The following MAP2 variants were observed in gnomAD, a reference collection of about 807,000 sequenced individuals.
MAP2 encodes microtubule associated protein 2.
In MAP2, 14 loss-of-function variants were observed where a neutral mutation model predicts 137.6. The observed-to-expected ratio is 0.10, with a 90% CI of 0.07 to 0.16. The LOEUF is 0.16. MAP2 is among the 10% of genes least tolerant of loss of function. MAP2 has a pLI of 1.00. For missense variants in MAP2, 2,088 were observed against 2,191.5 expected (o/e 0.95, Z 0.94); for synonymous variants, 786 against 782.3 (o/e 1.00, Z -0.08).
chr2:209,653,106 TC>T, intron 4 of MAP2, 35 bp from the exon 5 acceptor site: 2 of 1,482,070 alleles, frequency 1.3e-6, no homozygotes, highest in Non-Finnish European at 9.0e-7. Context: ...TCAGAAGATT[TC>T]CCCAAAGTAA....
chr2:209,446,822 G>A (rs1699178848), intron 1 of MAP2, among the ~76,000 whole-genome samples: 1 of 142,124 alleles, frequency 7.0e-6, no homozygotes. Flanking sequence ...TGTTTAAATA[G>A]AGTACCTTTG....
chr2:209,518,478 G>A (rs1276530028), intron 2 of MAP2, among the ~76,000 whole-genome samples: 3 of 152,072 alleles, frequency 2.0e-5, no homozygotes, highest in African/African-American at 4.8e-5. Context: ...GGAAACCAAA[G>A]CACGCATAAG....
At chr2:209,688,772 C>G (rs574706936) in intron 7 of MAP2, among the ~76,000 whole-genome samples, 7 of 152,024 alleles carry the variant, frequency 4.6e-5, no homozygotes, top group Non-Finnish European at 8.8e-5. Flanking sequence ...TTTGCTTAGG[C>G]GAAGAGTTTA....
intron 3 of MAP2, among the ~76,000 whole-genome samples, chr2:209,594,586 G>T (rs890936734): frequency 6.6e-6 from 1 of 152,036 alleles, no homozygotes; most frequent in African/African-American, 2.4e-5. Flanking sequence ...TTCTCCTAGG[G>T]TTACACTGTA....
At chr2:209,591,719 A>G (rs1188068126) in intron 3 of MAP2, among the ~76,000 whole-genome samples, 1 of 152,150 alleles carries the variant, frequency 6.6e-6, no homozygotes, top group East Asian at 1.9e-4. Context: ...AGTTCTTCTG[A>G]TTACCATTTT....
intron 10 of MAP2, 43 bp from the exon 11 acceptor site, chr2:209,700,234 T>C: frequency 6.4e-7 from 1 of 1,559,378 alleles, no homozygotes; most frequent in South Asian, 1.1e-5. Context: ...TTATGACTTT[T>C]TAGCAACTAA....
intron 2 of MAP2, chr2:209,579,736 G>GCA (rs2075974057): frequency 6.6e-6 from 1 of 152,112 alleles, no homozygotes; most frequent in Admixed American, 6.5e-5. Flanking sequence ...GACTTGAGTG[G>GCA]TATTGCTGCA....
intron 5 of MAP2, among the ~76,000 whole-genome samples, chr2:209,654,584 T>C (rs1313932831): frequency 2.6e-5 from 4 of 152,194 alleles, no homozygotes; most frequent in African/African-American, 9.6e-5. Flanking sequence ...AGTGGTGGTA[T>C]CAATATGGAT....
At chr2:209,515,107 C>G (rs1437074897) in intron 2 of MAP2, among the ~76,000 whole-genome samples, 3 of 152,128 alleles carry the variant, frequency 2.0e-5, no homozygotes, top group Non-Finnish European at 4.4e-5. Flanking sequence ...TTACGGTTAT[C>G]AACTTTGTGT....
At chr2:209,496,881 A>G (rs1290099818) in intron 1 of MAP2, among the ~76,000 whole-genome samples, 2 of 152,060 alleles carry the variant, frequency 1.3e-5, no homozygotes, top group East Asian at 1.9e-4. Context: ...CTGTAACCTC[A>G]TATGCCTCTG....
At chr2:209,432,203 T>G (rs535334449) in intron 1 of MAP2, among the ~76,000 whole-genome samples, 6 of 152,300 alleles carry the variant, frequency 3.9e-5, no homozygotes, top group Admixed American at 1.3e-4. Context: ...TCTCCCAGAT[T>G]TAACATTTTT....
chr2:209,487,585 A>G (rs960379353), intron 1 of MAP2, among the ~76,000 whole-genome samples: 1 of 152,212 alleles, frequency 6.6e-6, no homozygotes, highest in African/African-American at 2.4e-5. Flanking sequence ...AAGATGTTCC[A>G]TGAAAGATTT....
chr2:209,699,137 C>T (rs891936304), intron 10 of MAP2, among the ~76,000 whole-genome samples: 1 of 152,104 alleles, frequency 6.6e-6, no homozygotes, highest in Admixed American at 6.5e-5. Flanking sequence ...ATACATGTCA[C>T]AAGAATTTGA....
intron 2 of MAP2, among the ~76,000 whole-genome samples, chr2:209,576,577 C>T (rs2075403865): frequency 6.6e-6 from 1 of 152,068 alleles, no homozygotes; most frequent in African/African-American, 2.4e-5. Context: ...AATGAAGTGT[C>T]TTGAAAAGGA....
intron 13 of MAP2, among the ~76,000 whole-genome samples, chr2:209,721,577 G>T (rs950859089): frequency 5.9e-5 from 9 of 152,064 alleles, no homozygotes; most frequent in African/African-American, 1.9e-4. Flanking sequence ...AATAATGCTG[G>T]CAATGTGATC....
chr2:209,723,724 G>C (rs763787825), intron 13 of MAP2: 3 of 1,446,466 alleles, frequency 2.1e-6, no homozygotes, highest in Non-Finnish European at 2.9e-6. Context: ...TGTCCTGATT[G>C]CGTGGAGCCA....
intron 3 of MAP2, among the ~76,000 whole-genome samples, chr2:209,618,526 A>AT (rs926931617): frequency 2.6e-5 from 4 of 152,024 alleles, no homozygotes; most frequent in Admixed American, 2.0e-4. Context: ...CCTCTCTCCA[A>AT]TTTTTTTCTC....
At chr2:209,625,424 A>G (rs144225731) in intron 4 of MAP2, among the ~76,000 whole-genome samples, 2 of 152,312 alleles carry the variant, frequency 1.3e-5, no homozygotes, top group Non-Finnish European at 2.9e-5. Context: ...TGCCAACGGT[A>G]TTTCTTCAGT....
intron 5 of MAP2, among the ~76,000 whole-genome samples, chr2:209,663,089 GTTA>G (rs988334513): frequency 7.9e-5 from 12 of 152,120 alleles, no homozygotes; most frequent in Non-Finnish European, 1.5e-4. Flanking sequence ...CGGTTGGGAG[GTTA>G]TTAAGTAGAC....
Sources: gnomAD v4.1 joint callset for allele counts (sites outside exome capture counted in the v4.1 genomes callset) on GRCh38, gnomAD v4.1.1 for gene constraint, MANE v1.5 for transcripts, NCBI Gene and HGNC (gene_info 2026-07-23, HGNC 2026-07-21) for gene names.